ZFHX3: variants seen among roughly 807,000 people sequenced by gnomAD.
The protein encoded by ZFHX3 is zinc finger homeobox 3, also known as zinc finger homeobox protein 3.
A neutral mutation model predicts 279.1 loss-of-function variants in ZFHX3; 42 were observed. The ratio of observed to expected loss-of-function variants is 0.15; its 90% CI spans 0.12 to 0.19. The LOEUF (loss-of-function observed/expected upper bound fraction) is 0.19, where lower values mean the gene tolerates loss of function less well. Ranked by LOEUF, ZFHX3 falls within the 10% of genes least tolerant of loss-of-function variation. The probability of loss-of-function intolerance (pLI) is 1.00; values close to 1 mark genes in which losing one functional copy is unlikely to be tolerated. For missense variants in ZFHX3, 4,981 were observed against 4,754.0 expected, an observed-to-expected ratio of 1.05 and a Z score of -1.40; for synonymous variants, 2,293 against 1,957.8, an observed-to-expected ratio of 1.17 and a Z score of -4.52.
intron 1 of ZFHX3, among the ~76,000 whole-genome samples, chr16:73,756,091 T>C (rs1261883068): frequency 6.6e-6 from 1 of 152,182 alleles, no homozygotes; most frequent in East Asian, 1.9e-4. Context: ...GAGTCTGTGA[T>C]GGCAGCTTGT....
chr16:73,642,816 C>T (rs758478285), intron 2 of ZFHX3, among the ~76,000 whole-genome samples: 8 of 152,170 alleles, frequency 5.3e-5, no homozygotes, highest in Non-Finnish European at 7.3e-5. Context: ...TCAAGTCAGC[C>T]TGCTACATGT....
intron 1 of ZFHX3, among the ~76,000 whole-genome samples, chr16:73,767,079 G>A (rs542614107): frequency 1.3e-5 from 2 of 151,998 alleles, no homozygotes; most frequent in African/African-American, 4.8e-5. Context: ...GGGATTACAG[G>A]TGCCCATCAC....
At position 72,793,225 on chromosome 16, in the gene ZFHX3, C is replaced by A; in HGVS notation, c.9427+30G>T. On this transcript the variant is annotated intron_variant, in intron 9 of 9. Coordinates refer to ENST00000268489, the MANE Select transcript of ZFHX3 (RefSeq NM_006885.4). The surrounding 1 kb of genome is among the most constrained non-coding windows in gnomAD (Gnocchi z 4.3). ...AATGCTGACTGGGCAGCTATTTAGC[C>A]CTGAAACAATCGCCTAGAGCAGAAC... 6.3e-7 allele frequency: 1 copy of A among 1,575,844 alleles called. No individual in the cohort carries two copies. Among genetic ancestry groups the A allele is most frequent in the South Asian group, 1.2e-5 (1 of 83,804 alleles).
intron 1 of ZFHX3, among the ~76,000 whole-genome samples, chr16:73,847,863 G>A (rs986339052): frequency 4.7e-5 from 7 of 149,878 alleles, no homozygotes; most frequent in Non-Finnish European, 8.9e-5. Context: ...TCAGCCTCCC[G>A]AGTAGCTGGG....
intron 2 of ZFHX3, among the ~76,000 whole-genome samples, chr16:73,544,380 C>G (rs933610433): frequency 1.6e-4 from 24 of 152,234 alleles, no homozygotes; most frequent in African/African-American, 5.8e-4. Context: ...TCATTAGTCA[C>G]GTTTAAAAGC....
At chr16:73,438,589 G>A (rs895218600) in intron 3 of ZFHX3, among the ~76,000 whole-genome samples, 5 of 152,116 alleles carry the variant, frequency 3.3e-5, no homozygotes, top group Non-Finnish European at 7.4e-5. Flanking sequence ...GTTATATTAC[G>A]CATCTATGCA....
chr16:73,054,354 T>C (rs183449461), intron 1 of ZFHX3, among the ~76,000 whole-genome samples: 2,370 of 150,806 alleles, frequency 0.016, 34 homozygotes, highest in African/African-American at 0.033. Context: ...ACCAGCCCGG[T>C]TCCCCTCCCC....
At chr16:72,992,324 C>T (rs900374874) in intron 1 of ZFHX3, among the ~76,000 whole-genome samples, 8 of 152,186 alleles carry the variant, frequency 5.3e-5, no homozygotes, top group Non-Finnish European at 1.2e-4. Flanking sequence ...GATCCTACAG[C>T]CCAGAGCCAG....
intron 1 of ZFHX3, among the ~76,000 whole-genome samples, chr16:73,758,897 T>A (rs1406119202): frequency 6.6e-6 from 1 of 152,248 alleles, no homozygotes; most frequent in East Asian, 1.9e-4. Context: ...TACAGTATGC[T>A]GTAAGGCAGA....
At chr16:73,025,910 C>G (rs542830911) in intron 1 of ZFHX3, among the ~76,000 whole-genome samples, 1 of 152,246 alleles carries the variant, frequency 6.6e-6, no homozygotes, top group Admixed American at 6.5e-5. Flanking sequence ...AGTTTTCAGA[C>G]AGACTGAGAC....
At chr16:72,876,354 T>C (rs929898485) in intron 4 of ZFHX3, among the ~76,000 whole-genome samples, 2 of 152,106 alleles carry the variant, frequency 1.3e-5, no homozygotes, top group African/African-American at 2.4e-5. Context: ...CTCATTCAGT[T>C]TCATGAAAGC....
chr16:73,024,684 C>T (rs995020496), intron 1 of ZFHX3, among the ~76,000 whole-genome samples: 22 of 152,326 alleles, frequency 1.4e-4, no homozygotes, highest in African/African-American at 5.1e-4. Flanking sequence ...CTCCCAGAAG[C>T]GGGTTACCCT....
intron 4 of ZFHX3, among the ~76,000 whole-genome samples, chr16:72,840,250 T>C (rs1462922580): frequency 2.6e-5 from 4 of 152,070 alleles, no homozygotes; most frequent in African/African-American, 4.8e-5. Context: ...TGAAGGTGTA[T>C]GGGAAATGAA....
intron 2 of ZFHX3, among the ~76,000 whole-genome samples, chr16:73,614,972 C>T (rs2052285057): frequency 6.6e-6 from 1 of 151,992 alleles, no homozygotes; most frequent in South Asian, 2.1e-4. Context: ...GTTGCCCAGG[C>T]TGATCTCGAA....
chr16:73,459,859 A>G (rs2018442683), intron 2 of ZFHX3, among the ~76,000 whole-genome samples: 1 of 152,206 alleles, frequency 6.6e-6, no homozygotes, highest in South Asian at 2.1e-4. Flanking sequence ...GACTATCACA[A>G]GAACAGCATG....
In ZFHX3 at chr16:73,253,347, A is replaced by G. The variant is rs553926637; in HGVS notation, c.-1104+3700T>C. 2.6e-4 allele frequency among the ~76,000 whole-genome samples: 40 copies of G among 152,312 alleles called. 1 individual carries two copies. The highest frequency in any genetic ancestry group is 1.2e-3 in the Admixed American group (18 of 15,306). ...ATAAAGACTGTGAGAAATGAAATCA[A>G]TGGAAAGAGAAAGTTAAATACACCA... On this transcript the variant is annotated intron_variant, in intron 5 of 17. Coordinates refer to the ZFHX3 transcript ENST00000641206.
At chr16:73,146,271 T>C (rs1368037405) in intron 5 of ZFHX3, among the ~76,000 whole-genome samples, 1 of 151,920 alleles carries the variant, frequency 6.6e-6, no homozygotes. Context: ...CTACTAAAAA[T>C]ACAAAAATTA....
chr16:73,574,003 CTTCCTTTT>C (rs1355874437), intron 2 of ZFHX3, among the ~76,000 whole-genome samples: 2 of 152,148 alleles, frequency 1.3e-5, no homozygotes, highest in African/African-American at 4.8e-5. Flanking sequence ...TCTTTTCTGT[CTTCCTTTT>C]TTCCTTTCTT....
intron 2 of ZFHX3, among the ~76,000 whole-genome samples, chr16:73,473,253 C>T (rs1393655887): frequency 7.0e-6 from 1 of 143,252 alleles, no homozygotes; most frequent in Admixed American, 7.2e-5. Context: ...GGGAGGGTCA[C>T]TTGAGCCCAG....
Sources: allele counts gnomAD v4.1 joint callset (sites outside exome capture counted in the v4.1 genomes callset), GRCh38; gene constraint gnomAD v4.1.1; non-coding constraint Gnocchi (gnomAD v3.1); transcripts MANE v1.5; gene names NCBI Gene and HGNC (gene_info 2026-07-23, HGNC 2026-07-21).